Variants in TRDN observed in about 807,000 individuals in gnomAD.
TRDN encodes triadin in skeletal muscle.
Under a neutral mutation model 149.7 loss-of-function variants are expected in TRDN, and 161 were observed. The observed-to-expected ratio is 1.08, with a 90% confidence interval of 0.95 to 1.23. The LOEUF (loss-of-function observed/expected upper bound fraction) is 1.23. TRDN is among the 50% of genes most tolerant of loss of function. The probability of loss-of-function intolerance (pLI) is 0.00; values close to 1 mark genes in which losing one functional copy is unlikely to be tolerated. For synonymous variants in TRDN, 294 were observed against 250.5 expected (o/e 1.17, Z -1.64); for missense variants, 896 against 823.5 (o/e 1.09, Z -1.08).
At chr6:123,337,560 T>C (rs1779919010) in intron 22 of TRDN, 59 bp downstream of exon 22, 2 of 855,872 alleles carry the variant, frequency 2.3e-6, no homozygotes, top group South Asian at 4.5e-5. Context: ...TGTACTGTGT[T>C]CTCAATAATA....
intron 20 of TRDN, among the ~76,000 whole-genome samples, chr6:123,355,301 T>A (rs1780623669): frequency 6.6e-6 from 1 of 151,676 alleles, no homozygotes; most frequent in Admixed American, 6.6e-5. Flanking sequence ...CAATCTTTCC[T>A]TTGTAACTAA....
chr6:123,363,861 A>G (rs1780988417), intron 20 of TRDN, among the ~76,000 whole-genome samples: 1 of 152,176 alleles, frequency 6.6e-6, no homozygotes, highest in Admixed American at 6.5e-5. Context: ...CTCCTTACAT[A>G]TTTTGAGTTT....
At chr6:123,454,784 C>A (rs1175184902) in intron 10 of TRDN, among the ~76,000 whole-genome samples, 1 of 152,192 alleles carries the variant, frequency 6.6e-6, no homozygotes, top group Non-Finnish European at 1.5e-5. Flanking sequence ...AGGTTGCATG[C>A]TCCTTATGAG....
chr6:123,303,059 A>C (rs979146415), intron 24 of TRDN, among the ~76,000 whole-genome samples: 11 of 152,140 alleles, frequency 7.2e-5, no homozygotes, highest in Non-Finnish European at 2.9e-5. Context: ...CTGGCATGGA[A>C]TATACTGTCA....
chr6:123,289,694 T>C (rs1175615122), intron 24 of TRDN, among the ~76,000 whole-genome samples: 4 of 152,074 alleles, frequency 2.6e-5, no homozygotes, highest in Non-Finnish European at 5.9e-5. Flanking sequence ...CAATTGAAAG[T>C]GGGTATAAAT....
chr6:123,526,501 A>G (rs1215252334), intron 5 of TRDN, among the ~76,000 whole-genome samples: 1 of 152,070 alleles, frequency 6.6e-6, no homozygotes, highest in Non-Finnish European at 1.5e-5. Flanking sequence ...CTTACGTTAG[A>G]GATAACAGGC....
At chr6:123,502,233 A>T in intron 8 of TRDN, 1 of 976,354 alleles carries the variant, frequency 1.0e-6, no homozygotes, top group Non-Finnish European at 1.2e-6. Flanking sequence ...CCACAGTAAA[A>T]TATTATATTC....
intron 33 of TRDN, among the ~76,000 whole-genome samples, chr6:123,261,155 A>C (rs1481436905): frequency 6.6e-6 from 1 of 151,854 alleles, no homozygotes; most frequent in African/African-American, 2.4e-5. Flanking sequence ...AAATTAAAAA[A>C]CATACGATAT....
chr6:123,533,037 C>G (rs968465048), intron 4 of TRDN, among the ~76,000 whole-genome samples: 3 of 140,176 alleles, frequency 2.1e-5, no homozygotes, highest in Non-Finnish European at 4.9e-5. Context: ...TAATTCAGGT[C>G]CATAAAGCAA....
intron 9 of TRDN, among the ~76,000 whole-genome samples, chr6:123,487,774 T>C (rs1778038290): frequency 6.6e-6 from 1 of 152,138 alleles, no homozygotes; most frequent in Non-Finnish European, 1.5e-5. Context: ...ATGTTCGCAT[T>C]CATTTTCTCC....
chr6:123,545,542 T>C (rs140389783), intron 4 of TRDN, among the ~76,000 whole-genome samples: 1 of 152,028 alleles, frequency 6.6e-6, no homozygotes, highest in East Asian at 1.9e-4. Context: ...CTGAGATTTT[T>C]ACTTAAATGT....
At chr6:123,596,368 G>A (rs1434373734) in intron 1 of TRDN, among the ~76,000 whole-genome samples, 1 of 152,066 alleles carries the variant, frequency 6.6e-6, no homozygotes, top group African/African-American at 2.4e-5. Flanking sequence ...ATCTCCATAA[G>A]ATAGAAGTGC....
rs547922481 is a variant in TRDN, at chr6:123,352,929, C to T, written c.1322-343G>A. On this transcript the variant is annotated intron_variant, in intron 20 of 40. Coordinates refer to ENST00000334268, the MANE Select transcript of TRDN (RefSeq NM_006073.4). ...GGTTATTGCTGGAGTCATTTAGTGT[C>T]TTGTAAATGTCAACTAGATGCTCCT... is the stretch of plus-strand genomic sequence containing the variant. Among the ~76,000 whole-genome samples the T allele has an allele frequency of 2.0e-5, 3 of 151,922 alleles. No homozygotes were observed. In the South Asian group the frequency reaches 6.2e-4, roughly 31 times the overall value.
chr6:123,458,864 A>T (rs926428733), intron 10 of TRDN, among the ~76,000 whole-genome samples: 1 of 104,778 alleles, frequency 9.5e-6, no homozygotes, highest in Non-Finnish European at 2.2e-5. Context: ...TCTGTGATTA[A>T]AAAAAAAGGG....
intron 9 of TRDN, among the ~76,000 whole-genome samples, chr6:123,481,328 G>T (rs1000916155): frequency 1.3e-4 from 19 of 151,362 alleles, no homozygotes; most frequent in African/African-American, 4.6e-4. Flanking sequence ...ACAAGGTTTG[G>T]GTGTGTATGT....
chr6:123,603,565 T>C (rs1345892979), intron 1 of TRDN, among the ~76,000 whole-genome samples: 1 of 152,188 alleles, frequency 6.6e-6, no homozygotes, highest in East Asian at 1.9e-4. Context: ...CTTTCATACA[T>C]TCATTTATCA....
intron 1 of TRDN, among the ~76,000 whole-genome samples, chr6:123,587,416 C>G (rs1424275846): frequency 6.6e-6 from 1 of 152,062 alleles, no homozygotes; most frequent in East Asian, 1.9e-4. Flanking sequence ...GGTTGAGGGA[C>G]AGTGAGAGAG....
chr6:123,588,101 G>T (rs6903080), intron 1 of TRDN, among the ~76,000 whole-genome samples: 61,991 of 151,870 alleles, frequency 0.41, 12,972 homozygotes, highest in Non-Finnish European at 0.44. Flanking sequence ...GACCCCAAAA[G>T]GTGCTAGACT....
intron 5 of TRDN, among the ~76,000 whole-genome samples, chr6:123,525,313 T>C (rs994092341): frequency 2.6e-5 from 4 of 152,040 alleles, no homozygotes; most frequent in African/African-American, 9.7e-5. Flanking sequence ...TAAGTGTCCA[T>C]CAGTGGCTGA....
Sources: gnomAD v4.1 joint callset for allele counts (sites outside exome capture counted in the v4.1 genomes callset) on GRCh38, gnomAD v4.1.1 for gene constraint, MANE v1.5 for transcripts, NCBI Gene and HGNC (gene_info 2026-07-23, HGNC 2026-07-21) for gene names.